PDE1C: variants seen among roughly 807,000 people sequenced by gnomAD.
The protein encoded by PDE1C is dual specificity calcium/calmodulin-dependent 3',5'-cyclic nucleotide phosphodiesterase 1C.
Under a neutral mutation model 93.1 loss-of-function variants are expected in PDE1C, and 62 were observed. That is an observed-to-expected ratio of 0.67 (90% CI 0.54 to 0.82). The LOEUF is 0.82. Among genes scored for constraint, PDE1C ranks in the 40% least tolerant of loss-of-function variants. PDE1C has a pLI of 0.00. For synonymous variants in PDE1C, 325 were observed against 310.1 expected, an observed-to-expected ratio of 1.05 and a Z score of -0.50; for missense variants, 742 against 884.6, an observed-to-expected ratio of 0.84 and a Z score of 2.04.
At chr7:31,962,165 T>C (rs1442865833) in intron 2 of PDE1C, among the ~76,000 whole-genome samples, 1 of 152,208 alleles carries the variant, frequency 6.6e-6, no homozygotes, top group Non-Finnish European at 1.5e-5. Flanking sequence ...TTCCCACTGA[T>C]CTCTTGGGCC....
intron 3 of PDE1C, among the ~76,000 whole-genome samples, chr7:32,082,328 C>T (rs1239408073): frequency 6.6e-6 from 1 of 152,194 alleles, no homozygotes; most frequent in Non-Finnish European, 1.5e-5. Context: ...CCGCCATTGC[C>T]CAGGCTTGCT....
chr7:31,647,249 T>C, the PDE1C span, among the ~76,000 whole-genome samples: 6,668 of 152,220 alleles, frequency 0.044, 468 homozygotes, highest in African/African-American at 0.15. Flanking sequence ...CTGAAGAAAA[T>C]TGGCTTTAAA....
chr7:32,334,954 T>G (rs950617443), intron 1 of PDE1C, among the ~76,000 whole-genome samples: 14 of 152,302 alleles, frequency 9.2e-5, no homozygotes, highest in African/African-American at 3.4e-4. Context: ...TTTTTAATTT[T>G]TCTGTATTCT....
intron 1 of PDE1C, among the ~76,000 whole-genome samples, chr7:32,376,695 T>C (rs530946545): frequency 6.6e-6 from 1 of 152,270 alleles, no homozygotes; most frequent in South Asian, 2.1e-4. Flanking sequence ...ATTTCCCCTT[T>C]CTTTTTTTTT....
chr7:31,710,063 TTCA>T, the PDE1C span, among the ~76,000 whole-genome samples: 3 of 152,072 alleles, frequency 2.0e-5, no homozygotes, highest in African/African-American at 7.2e-5. Context: ...GTAGGAGGAT[TTCA>T]TGAGCCCAGG....
At chr7:32,153,852 T>C (rs1455341168) in intron 3 of PDE1C, among the ~76,000 whole-genome samples, 3 of 152,190 alleles carry the variant, frequency 2.0e-5, no homozygotes, top group Admixed American at 1.3e-4. Flanking sequence ...TTATTTTAGG[T>C]GGATTCCTCT....
At chr7:32,155,547 G>T (rs570190069) in intron 3 of PDE1C, among the ~76,000 whole-genome samples, 47 of 152,306 alleles carry the variant, frequency 3.1e-4, no homozygotes, top group Admixed American at 1.3e-3. Context: ...AGTGAACGTG[G>T]CTGATTAACC....
chr7:32,086,547 G>C lies in PDE1C; in HGVS notation c.308+83238C>G, dbSNP rs554806192. ...ACCAAAAAAGAGCCTGCATCGCCAA[G>C]TCAATCCTAAGCCAAAAGAACAAAG... On this transcript the variant is annotated intron_variant, in intron 3 of 18. Coordinates refer to the PDE1C transcript ENST00000396193. Among the ~76,000 whole-genome samples, 23 of 151,896 alleles carry C rather than the reference G, an allele frequency of 1.5e-4. No individual in the cohort carries two copies. The East Asian group carries it at 4.5e-3, about 29-fold the overall frequency.
chr7:32,009,240 G>A (rs1179311513), intron 2 of PDE1C, among the ~76,000 whole-genome samples: 1 of 152,188 alleles, frequency 6.6e-6, no homozygotes, highest in Non-Finnish European at 1.5e-5. Flanking sequence ...AAGGTTTCCA[G>A]GGCTCAGTCC....
chr7:31,651,078 C>A, the PDE1C span: 2 of 1,555,924 alleles, frequency 1.3e-6, no homozygotes, highest in African/African-American at 1.4e-5. Flanking sequence ...CAGGCTCCAC[C>A]ATGGTGAGCT....
At chr7:31,846,920 T>G (rs749901743) in intron 9 of PDE1C, among the ~76,000 whole-genome samples, 1 of 152,194 alleles carries the variant, frequency 6.6e-6, no homozygotes, top group African/African-American at 2.4e-5. Context: ...TTAGCCACTC[T>G]TAATAAAAAT....
chr7:31,836,397 C>A (rs1583535950), intron 11 of PDE1C, among the ~76,000 whole-genome samples: 1 of 152,012 alleles, frequency 6.6e-6, no homozygotes, highest in Non-Finnish European at 1.5e-5. Context: ...TACGGCAGTG[C>A]GATCTCGGCT....
intron 14 of PDE1C, among the ~76,000 whole-genome samples, chr7:31,818,537 CTGTA>C (rs1392368764): frequency 1.3e-5 from 2 of 152,186 alleles, no homozygotes; most frequent in Admixed American, 6.5e-5. Flanking sequence ...GTAACCTTAT[CTGTA>C]TGTATCTTCA....
At chr7:31,798,252 T>C (rs1208653129) in intron 16 of PDE1C, among the ~76,000 whole-genome samples, 4 of 151,746 alleles carry the variant, frequency 2.6e-5, no homozygotes, top group Non-Finnish European at 1.5e-5. Context: ...CATTTCAGTG[T>C]CAACAAATCC....
At chr7:32,169,860 C>T (rs760885149) in exon 3 of PDE1C, 11 of 1,612,476 alleles carry the variant, frequency 6.8e-6, no homozygotes, top group African/African-American at 2.7e-5. Context: ...CTCTGGGGGT[C>T]GAGGGTCATG....
the PDE1C span, among the ~76,000 whole-genome samples, chr7:31,739,545 T>C: frequency 2.6e-5 from 4 of 152,202 alleles, no homozygotes; most frequent in African/African-American, 9.6e-5. Context: ...TGCTAGGATA[T>C]GCACTTAATC....
At chr7:32,262,318 G>GA (rs1284136175) in intron 1 of PDE1C, among the ~76,000 whole-genome samples, 1 of 152,088 alleles carries the variant, frequency 6.6e-6, no homozygotes, top group Non-Finnish European at 1.5e-5. Flanking sequence ...TAAACTCAAT[G>GA]AAAAAATTAT....
intron 3 of PDE1C, among the ~76,000 whole-genome samples, chr7:32,138,622 A>G (rs1321404224): frequency 6.6e-5 from 10 of 152,320 alleles, no homozygotes; most frequent in Middle Eastern, 3.4e-3. Flanking sequence ...CACTCCCTGA[A>G]TACCCAAGAG....
intron 1 of PDE1C, among the ~76,000 whole-genome samples, chr7:32,290,330 CA>C (rs2128896659): frequency 6.6e-6 from 1 of 152,290 alleles, no homozygotes; most frequent in South Asian, 2.1e-4. Context: ...CAGAGGCAGC[CA>C]GGAGCAGGCG....
Sources: gnomAD v4.1 joint callset for allele counts (sites outside exome capture counted in the v4.1 genomes callset) on GRCh38, gnomAD v4.1.1 for gene constraint, MANE v1.5 for transcripts, NCBI Gene and HGNC (gene_info 2026-07-23, HGNC 2026-07-21) for gene names.